The following IFNLR1 variants were observed in gnomAD, a reference collection of about 807,000 sequenced individuals.
IFNLR1 encodes interferon lambda receptor 1.
A neutral mutation model predicts 52.5 loss-of-function variants in IFNLR1; 28 were observed. That is an observed-to-expected ratio of 0.53 (90% confidence interval 0.40 to 0.73). IFNLR1 has a LOEUF of 0.73. Among genes scored for constraint, IFNLR1 ranks in the 30% least tolerant of loss-of-function variants. The pLI is 0.00. For synonymous variants in IFNLR1, 276 were observed against 274.9 expected, an observed-to-expected ratio of 1.00 and a Z score of -0.04; for missense variants, 623 against 659.1, an observed-to-expected ratio of 0.95 and a Z score of 0.60.
intron 3 of IFNLR1, among the ~76,000 whole-genome samples, chr1:24,163,109 C>T (rs1225013016): frequency 3.3e-5 from 5 of 150,906 alleles, no homozygotes; most frequent in Admixed American, 6.7e-5. Context: ...TACAGGCGCC[C>T]GCCACCACTC....
intron 2 of IFNLR1, among the ~76,000 whole-genome samples, chr1:24,180,497 AC>A (rs1163521471): frequency 6.6e-6 from 1 of 151,506 alleles, no homozygotes; most frequent in African/African-American, 2.4e-5. Flanking sequence ...TCAAAGACTT[AC>A]CCCCGCCCCG....
At chr1:24,180,686 A>AC in intron 2 of IFNLR1, 45 bp downstream of exon 2, 3 of 311,976 alleles carry the variant, frequency 9.6e-6, no homozygotes, top group Admixed American at 4.6e-5. Flanking sequence ...GCCCCCACCC[A>AC]CCCCCTCAGT....
chr1:24,159,670 G>A lies in IFNLR1; in HGVS notation c.511-37C>T, dbSNP rs370671611. ...AGAAGCAGAGAGTGGCAGAGCTGCT[G>A]TGGGGACTGGTTTCACACAGCCAGG... On this transcript the variant is annotated intron_variant, in intron 4 of 6. Coordinates refer to ENST00000327535, the MANE Select transcript of IFNLR1 (RefSeq NM_170743.4). 4.0e-5 allele frequency: 64 copies of A among 1,602,392 alleles called. No homozygotes were observed. In the African/African-American group the frequency reaches 8.2e-4, roughly 20 times the overall value.
At chr1:24,161,375 T>C in intron 4 of IFNLR1, 167 bp downstream of exon 4, 1 of 724,952 alleles carries the variant, frequency 1.4e-6, no homozygotes, top group Non-Finnish European at 2.3e-6. Flanking sequence ...CTGTAGGTCA[T>C]CATACTTTGA....
chr1:24,175,492 T>C (rs1246784868), intron 2 of IFNLR1, among the ~76,000 whole-genome samples: 1 of 152,258 alleles, frequency 6.6e-6, no homozygotes, highest in African/African-American at 2.4e-5. Flanking sequence ...GTCCCATCAC[T>C]TTATTTTCAA....
chr1:24,180,677 C>A, intron 2 of IFNLR1, 54 bp downstream of exon 2: 6 of 1,010,394 alleles, frequency 5.9e-6, no homozygotes, highest in African/African-American at 1.7e-5. Flanking sequence ...GCCCCTCCAG[C>A]CCCCACCCAC....
intron 1 of IFNLR1, among the ~76,000 whole-genome samples, chr1:24,182,896 G>A (rs1381059211): frequency 6.6e-6 from 1 of 151,920 alleles, no homozygotes; most frequent in Non-Finnish European, 1.5e-5. Flanking sequence ...CTCCAGCCTG[G>A]TGACACAGTG....
At chr1:24,176,327 T>C (rs1478109159) in intron 2 of IFNLR1, among the ~76,000 whole-genome samples, 1 of 152,180 alleles carries the variant, frequency 6.6e-6, no homozygotes, top group Non-Finnish European at 1.5e-5. Context: ...TGTGGTTGCC[T>C]AGATCTGGAG....
At chr1:24,158,012 G>A (rs773332629) in intron 6 of IFNLR1, 121 bp from the exon 7 acceptor site, 18 of 964,868 alleles carry the variant, frequency 1.9e-5, no homozygotes, top group Non-Finnish European at 2.7e-5. Flanking sequence ...CAGTTTCTTT[G>A]GGAGATGATC....
At chr1:24,162,725 T>G (rs1201871922) in intron 3 of IFNLR1, among the ~76,000 whole-genome samples, 10 of 1,734 alleles carry the variant, frequency 5.8e-3, no homozygotes, top group African/African-American at 0.017. Flanking sequence ...CTTTCTTTCT[T>G]TTCTTTCTTT....
intron 1 of IFNLR1, among the ~76,000 whole-genome samples, chr1:24,184,446 G>A (rs1356652814): frequency 1.3e-5 from 2 of 152,096 alleles, no homozygotes; most frequent in South Asian, 2.1e-4. Context: ...TTGTTATTGA[G>A]GTTTGTGAGG....
chr1:24,163,169 C>T (rs902974736), intron 3 of IFNLR1, among the ~76,000 whole-genome samples: 2 of 151,796 alleles, frequency 1.3e-5, no homozygotes. Context: ...ACCATGTTGG[C>T]CAGGCTGGTC....
intron 3 of IFNLR1, among the ~76,000 whole-genome samples, chr1:24,162,314 C>T (rs1207199003): frequency 2.6e-5 from 4 of 152,174 alleles, no homozygotes; most frequent in African/African-American, 7.2e-5. Context: ...ACCACTCCAT[C>T]GTCAAACCAG....
intron 3 of IFNLR1, 58 bp from the exon 4 acceptor site, chr1:24,161,742 C>A: frequency 7.0e-7 from 1 of 1,434,908 alleles, no homozygotes; most frequent in Non-Finnish European, 9.2e-7. Flanking sequence ...GCCTCCATCC[C>A]CCAAGACCAG....
chr1:24,163,313 T>C (rs12727936), intron 3 of IFNLR1, among the ~76,000 whole-genome samples: 136,229 of 152,104 alleles, frequency 0.9, 61,251 homozygotes, highest in East Asian at 1. Context: ...AATCTATTCA[T>C]GGGGGCAGCG....
At chr1:24,177,268 T>C (rs995827151) in intron 2 of IFNLR1, among the ~76,000 whole-genome samples, 4 of 152,032 alleles carry the variant, frequency 2.6e-5, no homozygotes, top group African/African-American at 9.7e-5. Context: ...CAAGGCGAAG[T>C]CCCACGATAG....
Position 24,187,099 on chromosome 1 carries a change from G to A in IFNLR1, c.58+92C>T, listed in dbSNP as rs1240675625. 4.8e-6 allele frequency: 4 copies of A among 830,984 alleles called. No homozygotes were observed. In the Admixed American group the frequency reaches 1.2e-4, roughly 26 times the overall value. 51.5% of individuals were successfully genotyped at this position (830,984 alleles called of 1,614,324 possible). On this transcript the variant is annotated intron_variant, in intron 1 of 6. Coordinates refer to ENST00000327535, the MANE Select transcript of IFNLR1 (RefSeq NM_170743.4). ...CCCGGCTCGGGTGGCTGCGGACCCCGTGCCTGTCCCAGGAGCTCCGGGTCC... is the reference window on the plus strand; with the variant it reads ...CCCGGCTCGGGTGGCTGCGGACCCCATGCCTGTCCCAGGAGCTCCGGGTCC...
Position 24,156,661 on chromosome 1 carries a change from C to T in IFNLR1, c.*469G>A, listed in dbSNP as rs1238068720. On this transcript the variant is annotated 3_prime_UTR_variant, in exon 7 of 7. Transcript: ENST00000327535. ...GGGCCTAACTAGGGGACCCATGAAT[C>T]AGGAGGCTGAGCCCTGGGATGGGGG... 6.4e-6 allele frequency: 1 copy of T among 156,882 alleles called. No individual in the cohort carries two copies. The highest frequency in any genetic ancestry group is 6.4e-5 in the Admixed American group (1 of 15,544). The allele number at this position is 156,882 out of a possible 1,614,324, so 9.7% of individuals were successfully genotyped here.
Position 24,159,182 on chromosome 1 carries a change from T to C in IFNLR1, c.671A>G (p.Glu224Gly). ...CAGCACCAGGAAAGCCCAGTTGGCT[T>C]CTAAGGAAGGAAAAATAACAATGAG... ...KPTCFLLEVP[E>G]ANWAFLVLPS... is the part of the protein sequence containing the mutation. The change falls in exon 6 of 7, where the codon GAA becomes GGA. Residue 224 changes from glutamate to glycine, a missense_variant and splice_region_variant. Physicochemically the swap from Glu to Gly is moderately conservative, Grantham distance 98. Transcript: ENST00000327535. 2 of 1,613,910 alleles carry C rather than the reference T, an allele frequency of 1.2e-6. No homozygotes were observed. The highest frequency in any genetic ancestry group is 4.5e-5 in the East Asian group (2 of 44,874).
Sources: allele counts gnomAD v4.1 joint callset (sites outside exome capture counted in the v4.1 genomes callset), GRCh38; gene constraint gnomAD v4.1.1; transcripts MANE v1.5; gene names NCBI Gene and HGNC (gene_info 2026-07-23, HGNC 2026-07-21).